HDHD5: variants seen among roughly 807,000 people sequenced by gnomAD.
HDHD5 encodes the protein haloacid dehalogenase like hydrolase domain containing 5.
In HDHD5, 34 loss-of-function variants were observed where a neutral mutation model predicts 35.5. The observed-to-expected ratio is 0.96, with a 90% CI of 0.73 to 1.28. The LOEUF is 1.28. HDHD5 is among the 50% of genes most tolerant of loss of function. The pLI is 0.00. For missense variants in HDHD5, 589 were observed against 560.2 expected (o/e 1.05, Z -0.52); for synonymous variants, 248 against 240.6 (o/e 1.03, Z -0.29).
intron 6 of HDHD5, among the ~76,000 whole-genome samples, chr22:17,139,536 A>AC (rs2061576278): frequency 6.6e-6 from 1 of 151,856 alleles, no homozygotes; most frequent in African/African-American, 2.4e-5. Context: ...TAAAAAAAAA[A>AC]AACAAACAAA....
chr22:17,155,051 G>A (rs1371645688), intron 1 of HDHD5, among the ~76,000 whole-genome samples: 3 of 152,172 alleles, frequency 2.0e-5, no homozygotes, highest in African/African-American at 4.8e-5. Context: ...CAAAGCAGGT[G>A]TTGAAAAATG....
intron 5 of HDHD5, chr22:17,142,284 G>A (rs1011995446): frequency 1.3e-5 from 2 of 152,176 alleles, no homozygotes; most frequent in African/African-American, 4.8e-5. Flanking sequence ...CTGATATCCT[G>A]GTATCCACAC....
chr22:17,144,575 A>G (rs143144623), intron 4 of HDHD5, among the ~76,000 whole-genome samples: 3,551 of 152,102 alleles, frequency 0.023, 82 homozygotes, highest in East Asian at 0.1. Context: ...CACTGTGCCC[A>G]GCTAATTTTT....
At chr22:17,159,027 C>G in intron 1 of HDHD5, 99 bp downstream of exon 1, 1 of 1,080,596 alleles carries the variant, frequency 9.3e-7, no homozygotes. Context: ...TCCCAGGAGG[C>G]TGGGATACCA....
At chr22:17,144,855 G>A (rs778679357) in intron 4 of HDHD5, among the ~76,000 whole-genome samples, 169 bp downstream of exon 4, 1 of 151,902 alleles carries the variant, frequency 6.6e-6, no homozygotes, top group Non-Finnish European at 1.5e-5. Flanking sequence ...CCAGCCTCTG[G>A]GCCATTCTCA....
intron 1 of HDHD5, among the ~76,000 whole-genome samples, chr22:17,152,994 T>C (rs1416341372): frequency 6.6e-6 from 1 of 151,260 alleles, no homozygotes; most frequent in Non-Finnish European, 1.5e-5. Context: ...CAACAAGATA[T>C]CACACCTGAA....
chr22:17,147,408 A>C, intron 3 of HDHD5, among the ~76,000 whole-genome samples: 1 of 115,198 alleles, frequency 8.7e-6, no homozygotes, highest in Admixed American at 9.8e-5. Flanking sequence ...CACACGCCCC[A>C]CACCTGCGAC....
rs1264620928 is a variant in HDHD5, at chr22:17,148,567, G to A, written c.331-7C>T. 1 of 1,601,900 alleles carries A rather than the reference G, an allele frequency of 6.2e-7. No individual in the cohort carries two copies. Among genetic ancestry groups the A allele is most frequent in the Non-Finnish European group, 8.6e-7 (1 of 1,168,996 alleles). ...TAACTTGGTCTGCATCCACCTGTAGGGACAGCCAAGACAGGGGAGGGCAGA... is the reference window on the plus strand; with the variant it reads ...TAACTTGGTCTGCATCCACCTGTAGAGACAGCCAAGACAGGGGAGGGCAGA... On this transcript the variant is annotated splice_region_variant and splice_polypyrimidine_tract_variant and intron_variant, in intron 2 of 7. Coordinates refer to ENST00000336737, the MANE Select transcript of HDHD5 (RefSeq NM_033070.3).
chr22:17,154,639 G>C (rs1232425651), intron 1 of HDHD5, among the ~76,000 whole-genome samples: 1 of 139,120 alleles, frequency 7.2e-6, no homozygotes, highest in African/African-American at 2.7e-5. Flanking sequence ...TTTTGGTTGA[G>C]ACAAGACAGG....
In HDHD5 at chr22:17,137,995, AC is replaced by A; in HGVS notation, c.*25del. ...GGGACTCGCCCACAGGTCCAGGCTCACCCCCTCACCTCCACCGCACTGCCCT... is the reference window on the plus strand; with the variant it reads ...GGGACTCGCCCACAGGTCCAGGCTCACCCCTCACCTCCACCGCACTGCCCT... On this transcript the variant is annotated 3_prime_UTR_variant, in exon 8 of 8. Transcript: ENST00000336737. 2.5e-6 allele frequency: 4 copies of A among 1,570,742 alleles called. No individual in the cohort carries two copies. The African/African-American group carries it at 5.4e-5, about 21-fold the overall frequency.
At chr22:17,158,203 C>G (rs1309871717) in intron 1 of HDHD5, among the ~76,000 whole-genome samples, 1 of 152,102 alleles carries the variant, frequency 6.6e-6, no homozygotes. Flanking sequence ...TGCCTGTAAT[C>G]CCAGCTACTC....
At chr22:17,150,264 A>G (rs930548651) in intron 1 of HDHD5, among the ~76,000 whole-genome samples, 3 of 152,210 alleles carry the variant, frequency 2.0e-5, no homozygotes, top group African/African-American at 7.2e-5. Context: ...ATGGATTACA[A>G]TAGTCTTTAT....
intron 1 of HDHD5, among the ~76,000 whole-genome samples, chr22:17,149,973 G>A (rs2061708495): frequency 6.6e-6 from 1 of 152,000 alleles, no homozygotes; most frequent in African/African-American, 2.4e-5. Context: ...CTTTTACAGA[G>A]TCTTCCCGTT....
upstream of HDHD5, chr22:17,159,297 C>G (rs1045534861): frequency 5.7e-6 from 7 of 1,221,066 alleles, no homozygotes; most frequent in East Asian, 1.1e-4. Context: ...CCCCCCCCCC[C>G]CGCGAGTCCG....
At chr22:17,140,340 C>A (rs996472365) in intron 6 of HDHD5, among the ~76,000 whole-genome samples, 1 of 152,226 alleles carries the variant, frequency 6.6e-6, no homozygotes, top group Non-Finnish European at 1.5e-5. Context: ...GACACCAACA[C>A]AGCTGAGCAG....
At chr22:17,148,075 A>G (rs2061685535) in intron 3 of HDHD5, among the ~76,000 whole-genome samples, 1 of 152,216 alleles carries the variant, frequency 6.6e-6, no homozygotes, top group Non-Finnish European at 1.5e-5. Context: ...GGGCACCCCA[A>G]GGAAGAGGCT....
At chr22:17,152,531 TA>T (rs1303632902) in intron 1 of HDHD5, among the ~76,000 whole-genome samples, 1 of 151,846 alleles carries the variant, frequency 6.6e-6, no homozygotes, top group Non-Finnish European at 1.5e-5. Context: ...AAGGGCACAG[TA>T]GGAGCGGGCA....
Position 17,150,698 on chromosome 22 carries a change from T to C in HDHD5, c.127-953A>G, listed in dbSNP as rs1601395199. Among the ~76,000 whole-genome samples the C allele has an allele frequency of 3.9e-5, 6 of 152,308 alleles. No individual in the cohort carries two copies. The Middle Eastern group carries it at 0.014, about 345-fold the overall frequency. On this transcript the variant is annotated intron_variant, in intron 1 of 7. Transcript: ENST00000336737. ...CATGCCCACCTAATATTTGTATTTT[T>C]AGTGGAGACGAGGTTATGCCATGTT...
intron 7 of HDHD5, 24 bp downstream of exon 7, chr22:17,138,526 C>A (rs760620004): frequency 1.9e-6 from 3 of 1,609,026 alleles, no homozygotes; most frequent in Non-Finnish European, 2.5e-6. Context: ...ATAAAAGGGA[C>A]AAAGGAGGGA....
Sources: gnomAD v4.1 joint callset for allele counts (sites outside exome capture counted in the v4.1 genomes callset) on GRCh38, gnomAD v4.1.1 for gene constraint, MANE v1.5 for transcripts, NCBI Gene and HGNC (gene_info 2026-07-23, HGNC 2026-07-21) for gene names.